Variants in CEP112 observed in about 807,000 individuals in gnomAD.
The protein encoded by CEP112 is centrosomal protein 112, also known as centrosomal protein of 112 kDa.
In CEP112, 127 loss-of-function variants were observed where a neutral mutation model predicts 153.0. The ratio of observed to expected loss-of-function variants is 0.83; its 90% confidence interval spans 0.72 to 0.96. CEP112 has a LOEUF of 0.96. CEP112 is among the 40% of genes least tolerant of loss of function. CEP112 has a pLI of 0.00. For missense variants in CEP112, 1,089 were observed against 1,101.2 expected (o/e 0.99, Z 0.16); for synonymous variants, 358 against 374.4 (o/e 0.96, Z 0.51).
At chr17:65,726,493 G>A (rs1447824917) in intron 23 of CEP112, among the ~76,000 whole-genome samples, 1 of 152,148 alleles carries the variant, frequency 6.6e-6, no homozygotes, top group Non-Finnish European at 1.5e-5. Flanking sequence ...TGCTGCTGAG[G>A]AGGAAGGTGA....
At chr17:65,764,007 T>G (rs908912987) in intron 21 of CEP112, among the ~76,000 whole-genome samples, 1 of 152,110 alleles carries the variant, frequency 6.6e-6, no homozygotes. Flanking sequence ...AGTCTTTTAG[T>G]AAGCCTGTGC....
rs116496994 is a variant in CEP112, at chr17:65,701,191, C to T, written c.2608-11973G>A. Among the ~76,000 whole-genome samples the T allele has an allele frequency of 8.7e-3, 1,318 of 152,096 alleles. 19 individuals are homozygous for T. Among genetic ancestry groups the T allele is most frequent in the African/African-American group, 0.03 (1,234 of 41,478 alleles). On this transcript the variant is annotated intron_variant, in intron 23 of 26. Coordinates refer to ENST00000535342, the MANE Select transcript of CEP112 (RefSeq NM_001199165.4). ...GATGGGCCCGGGGGAATGCATGTGCCGGGATGGCAGCAGAGCCACAAGACA... is the reference window on the plus strand; with the variant it reads ...GATGGGCCCGGGGGAATGCATGTGCTGGGATGGCAGCAGAGCCACAAGACA...
chr17:65,995,834 G>A (rs745607859), intron 17 of CEP112, among the ~76,000 whole-genome samples: 5 of 152,048 alleles, frequency 3.3e-5, no homozygotes, highest in South Asian at 2.1e-4. Flanking sequence ...TACTGTTCTC[G>A]TGCAGTGAAT....
intron 18 of CEP112, among the ~76,000 whole-genome samples, chr17:65,948,689 T>C (rs1245990862): frequency 7.2e-6 from 1 of 139,544 alleles, no homozygotes; most frequent in African/African-American, 2.6e-5. Flanking sequence ...ATAATAAATT[T>C]CACCATTTCA....
chr17:65,656,416 C>T (rs568197477), intron 24 of CEP112, among the ~76,000 whole-genome samples: 3 of 152,338 alleles, frequency 2.0e-5, no homozygotes, highest in African/African-American at 2.4e-5. Flanking sequence ...GCAACCCAAA[C>T]GGTCTGAATT....
In CEP112 at chr17:65,884,553, G is replaced by A. The variant is rs528003703; in HGVS notation, c.2163+17599C>T. The stretch of plus-strand genomic sequence containing the variant: ...CTTATTTCAGGTTTTCTTCTAAAGA[G>A]GGAAAGACAAGTCTATGAAACATTC... On this transcript the variant is annotated intron_variant, in intron 20 of 26. Coordinates refer to ENST00000535342, the MANE Select transcript of CEP112 (RefSeq NM_001199165.4). Among the ~76,000 whole-genome samples the A allele has an allele frequency of 7.9e-5, 12 of 152,176 alleles. No individual in the cohort carries two copies. The South Asian group carries it at 2.5e-3, about 32-fold the overall frequency.
chr17:65,960,825 T>TG (rs1487002494), intron 18 of CEP112, among the ~76,000 whole-genome samples: 2 of 152,180 alleles, frequency 1.3e-5, no homozygotes, highest in Admixed American at 1.3e-4. Flanking sequence ...TTAATTATAA[T>TG]GGATTTCTCC....
intron 17 of CEP112, among the ~76,000 whole-genome samples, chr17:65,971,850 C>G (rs1411232469): frequency 2.0e-5 from 3 of 152,012 alleles, no homozygotes; most frequent in African/African-American, 7.3e-5. Flanking sequence ...ATTTACAGTA[C>G]TTAAAGAGCC....
At chr17:65,973,530 T>G (rs1255006737) in intron 17 of CEP112, among the ~76,000 whole-genome samples, 1 of 152,088 alleles carries the variant, frequency 6.6e-6, no homozygotes, top group Admixed American at 6.5e-5. Flanking sequence ...ACTAGGAAAA[T>G]GCAAGTGAAA....
At chr17:65,673,315 A>G (rs1032663681) in intron 24 of CEP112, among the ~76,000 whole-genome samples, 9 of 151,852 alleles carry the variant, frequency 5.9e-5, no homozygotes, top group Non-Finnish European at 7.4e-5. Context: ...TAGGCTTCAA[A>G]TCTCTCTAGC....
intron 23 of CEP112, among the ~76,000 whole-genome samples, chr17:65,712,994 G>A (rs2144737234): frequency 6.6e-6 from 1 of 152,290 alleles, no homozygotes; most frequent in Admixed American, 6.5e-5. Context: ...GCAGACATAA[G>A]GCACAAAATA....
At position 66,072,990 on chromosome 17, in the gene CEP112, T is replaced by C. The variant is rs558044024; in HGVS notation, c.769-2989A>G. Among the ~76,000 whole-genome samples the C allele has an allele frequency of 1.6e-4, 25 of 152,346 alleles. No individual in the cohort carries two copies. The East Asian group carries it at 3.1e-3, about 19-fold the overall frequency. ...ATAGATATGTACCTATGTGTTCATC[T>C]ATATAGTCTGAAATTGAAAAACATT... On this transcript the variant is annotated intron_variant, in intron 8 of 26. Coordinates refer to ENST00000535342, the MANE Select transcript of CEP112 (RefSeq NM_001199165.4).
At position 65,819,915 on chromosome 17, in the gene CEP112, A is replaced by C. The variant is rs2056445613; in HGVS notation, c.2394+31889T>G. On this transcript the variant is annotated intron_variant, in intron 21 of 26. Transcript: ENST00000535342. ...ACAACAAGAAGGACTTTAATGGAAA[A>C]GCTAGTGAAATTAAAATAAGATTTG... Among the ~76,000 whole-genome samples the C allele has an allele frequency of 9.2e-5, 14 of 152,180 alleles. No homozygotes were observed. The South Asian group carries it at 2.9e-3, about 32-fold the overall frequency.
At chr17:65,866,237 C>T (rs2058481341) in intron 20 of CEP112, among the ~76,000 whole-genome samples, 1 of 152,206 alleles carries the variant, frequency 6.6e-6, no homozygotes, top group African/African-American at 2.4e-5. Flanking sequence ...AGGTTGGGGC[C>T]GAGCCCAGGT....
intron 21 of CEP112, among the ~76,000 whole-genome samples, chr17:65,810,141 G>T (rs895604864): frequency 6.6e-6 from 1 of 152,126 alleles, no homozygotes; most frequent in Non-Finnish European, 1.5e-5. Flanking sequence ...GAGAATATAA[G>T]GCAGTAGAAT....
chr17:66,020,663 G>A (rs528297222), intron 16 of CEP112, among the ~76,000 whole-genome samples: 2 of 152,118 alleles, frequency 1.3e-5, no homozygotes, highest in Non-Finnish European at 2.9e-5. Context: ...TATTATTTTT[G>A]TATTTTACAA....
chr17:65,724,193 G>C (rs2050049465), intron 23 of CEP112, among the ~76,000 whole-genome samples: 1 of 152,076 alleles, frequency 6.6e-6, no homozygotes, highest in Non-Finnish European at 1.5e-5. Context: ...TGCTATTATA[G>C]CAATAGCCTC....
chr17:66,186,101 T>C (rs1411628630), intron 1 of CEP112, among the ~76,000 whole-genome samples: 1 of 151,528 alleles, frequency 6.6e-6, no homozygotes, highest in African/African-American at 2.4e-5. Flanking sequence ...CACTCAACCA[T>C]GCAATGGAAG....
chr17:65,900,298 A>G (rs2059799667), intron 20 of CEP112, among the ~76,000 whole-genome samples: 1 of 152,176 alleles, frequency 6.6e-6, no homozygotes, highest in South Asian at 2.1e-4. Flanking sequence ...AATTAGTAAA[A>G]CGTTCCAAGA....
Sources: gnomAD v4.1 joint callset for allele counts (sites outside exome capture counted in the v4.1 genomes callset) on GRCh38, gnomAD v4.1.1 for gene constraint, MANE v1.5 for transcripts, NCBI Gene and HGNC (gene_info 2026-07-23, HGNC 2026-07-21) for gene names.